The following RAD51B variants were observed in gnomAD, a reference collection of about 807,000 sequenced individuals.
RAD51B encodes DNA repair protein RAD51 homolog 2.
Under a neutral mutation model 42.2 loss-of-function variants are expected in RAD51B, and 38 were observed. That is an observed-to-expected ratio of 0.90 (90% CI 0.70 to 1.18). The LOEUF (loss-of-function observed/expected upper bound fraction) is 1.18. Among genes scored for constraint, RAD51B ranks in the 50% most tolerant of loss-of-function variants. RAD51B has a pLI of 0.00. For missense variants in RAD51B, 373 were observed against 400.7 expected (o/e 0.93, Z 0.59); for synonymous variants, 154 against 145.2 (o/e 1.06, Z -0.43).
chr14:68,254,463 C>T (rs1045590952), intron 7 of RAD51B, among the ~76,000 whole-genome samples: 6 of 152,180 alleles, frequency 3.9e-5, no homozygotes, highest in Non-Finnish European at 4.4e-5. Context: ...CAAAAAACCA[C>T]AGTAGTATTA....
intron 8 of RAD51B, among the ~76,000 whole-genome samples, chr14:68,311,662 G>T (rs2081970568): frequency 1.3e-5 from 2 of 152,220 alleles, no homozygotes; most frequent in South Asian, 4.1e-4. Context: ...GCCGAGGCGG[G>T]TGGATCACTA....
chr14:68,566,571 C>T (rs937748944), intron 10 of RAD51B, among the ~76,000 whole-genome samples: 2 of 152,194 alleles, frequency 1.3e-5, no homozygotes, highest in African/African-American at 2.4e-5. Flanking sequence ...GATCTCATTA[C>T]CACTGCCAGA....
Position 67,935,291 on chromosome 14 carries a change from T to G in RAD51B, c.756+48087T>G, listed in dbSNP as rs556178572. On this transcript the variant is annotated intron_variant, in intron 7 of 10. Coordinates refer to ENST00000471583, the MANE Select transcript of RAD51B (RefSeq NM_133510.4). ...TTTGAGTGTAAGATATGGTGCACTT[T>G]CAAAGATAACCAGAAGATATACCAG... Among the ~76,000 whole-genome samples the G allele has an allele frequency of 3.3e-5, 5 of 152,304 alleles. No individual in the cohort carries two copies. The East Asian group carries it at 5.8e-4, about 18-fold the overall frequency.
chr14:68,519,449 G>C (rs369820090), intron 10 of RAD51B, among the ~76,000 whole-genome samples: 1 of 152,222 alleles, frequency 6.6e-6, no homozygotes, highest in African/African-American at 2.4e-5. Flanking sequence ...GCGTGCATCT[G>C]ACTCTTGGCA....
chr14:68,121,527 G>A (rs1232434668), intron 7 of RAD51B, among the ~76,000 whole-genome samples: 1 of 152,046 alleles, frequency 6.6e-6, no homozygotes, highest in Non-Finnish European at 1.5e-5. Context: ...AAACGAAAAA[G>A]TCAACAGCTT....
chr14:68,454,857 A>G (rs1056885146), intron 9 of RAD51B, among the ~76,000 whole-genome samples: 1 of 152,240 alleles, frequency 6.6e-6, no homozygotes, highest in African/African-American at 2.4e-5. Flanking sequence ...ATCTGGGGGA[A>G]TGAGATAGCT....
intron 11 of RAD51B, among the ~76,000 whole-genome samples, chr14:68,679,585 G>T (rs1034139222): frequency 1.3e-5 from 2 of 152,218 alleles, no homozygotes; most frequent in Admixed American, 1.3e-4. Context: ...GAACTTTCAG[G>T]TACTGTGAAA....
chr14:68,237,146 G>A (rs954292764), intron 7 of RAD51B, among the ~76,000 whole-genome samples: 6 of 152,140 alleles, frequency 3.9e-5, no homozygotes, highest in African/African-American at 1.2e-4. Flanking sequence ...TTTTTGCTGT[G>A]GAGCCAACTC....
At chr14:68,648,104 T>C (rs10142715) in intron 10 of RAD51B, among the ~76,000 whole-genome samples, 887 of 56,426 alleles carry the variant, frequency 0.016, 18 homozygotes, top group African/African-American at 0.022. Flanking sequence ...TATATATATA[T>C]ACACACACGT....
intron 5 of RAD51B, among the ~76,000 whole-genome samples, chr14:67,873,343 A>G (rs1344153886): frequency 2.0e-5 from 3 of 152,206 alleles, no homozygotes. Context: ...AAAAATGCTC[A>G]CCATCACTGG....
intron 5 of RAD51B, among the ~76,000 whole-genome samples, chr14:67,883,990 G>GT (rs1398435512): frequency 2.0e-5 from 3 of 152,032 alleles, no homozygotes; most frequent in Non-Finnish European, 4.4e-5. Flanking sequence ...GTTATTTTCT[G>GT]TTTTTTGCCC....
intron 11 of RAD51B, among the ~76,000 whole-genome samples, chr14:68,678,344 C>T (rs530761120): frequency 6.6e-6 from 1 of 152,148 alleles, no homozygotes; most frequent in Non-Finnish European, 1.5e-5. Context: ...TGAGCTTGAT[C>T]AAAGAATGAA....
downstream of RAD51B, among the ~76,000 whole-genome samples, chr14:68,597,203 A>G (rs940090291): frequency 2.0e-5 from 3 of 152,188 alleles, no homozygotes; most frequent in Non-Finnish European, 4.4e-5. Context: ...GCTCTCCTAC[A>G]GCAGAGAAAT....
At chr14:68,061,908 C>T (rs906075617) in intron 7 of RAD51B, among the ~76,000 whole-genome samples, 8 of 152,164 alleles carry the variant, frequency 5.3e-5, no homozygotes, top group Non-Finnish European at 1.0e-4. Context: ...TGCCTGATTG[C>T]TCTGGCTAGG....
chr14:68,527,144 A>C (rs1261494937), intron 10 of RAD51B, among the ~76,000 whole-genome samples: 1 of 152,208 alleles, frequency 6.6e-6, no homozygotes, highest in Non-Finnish European at 1.5e-5. Flanking sequence ...AAAACAAAAA[A>C]CGAAACAAAA....
intron 10 of RAD51B, among the ~76,000 whole-genome samples, chr14:68,593,932 A>G (rs1890869774): frequency 6.6e-6 from 1 of 152,228 alleles, no homozygotes; most frequent in Non-Finnish European, 1.5e-5. Flanking sequence ...GGATCAGCTC[A>G]GAAAGAATCC....
intron 7 of RAD51B, among the ~76,000 whole-genome samples, chr14:67,922,687 CTTTTT>C (rs34206440): frequency 7.5e-6 from 1 of 132,516 alleles, no homozygotes; most frequent in African/African-American, 2.8e-5. Flanking sequence ...AATATGTAGT[CTTTTT>C]TTTTTTTTTT....
At chr14:68,604,941 G>A (rs867264052) in intron 10 of RAD51B, among the ~76,000 whole-genome samples, 6 of 152,226 alleles carry the variant, frequency 3.9e-5, no homozygotes, top group Admixed American at 1.3e-4. Context: ...TCAGTAAAAC[G>A]AGCCCACCAG....
At chr14:68,270,205 A>G (rs572273775) in intron 7 of RAD51B, among the ~76,000 whole-genome samples, 1 of 152,314 alleles carries the variant, frequency 6.6e-6, no homozygotes, top group African/African-American at 2.4e-5. Context: ...AGCCCTGTAG[A>G]ATATATGTTG....
Sources: allele counts gnomAD v4.1 joint callset (sites outside exome capture counted in the v4.1 genomes callset), GRCh38; gene constraint gnomAD v4.1.1; transcripts MANE v1.5; gene names NCBI Gene and HGNC (gene_info 2026-07-23, HGNC 2026-07-21).